WDFY4: variants seen among roughly 807,000 people sequenced by gnomAD.
The protein encoded by WDFY4 is WD repeat- and FYVE domain-containing protein 4.
Under a neutral mutation model 351.9 loss-of-function variants are expected in WDFY4, and 169 were observed. The ratio of observed to expected loss-of-function variants is 0.48; its 90% CI spans 0.42 to 0.55. The LOEUF (loss-of-function observed/expected upper bound fraction) is 0.55. WDFY4 is among the 20% of genes least tolerant of loss of function. WDFY4 has a pLI of 0.00. For synonymous variants in WDFY4, 1,622 were observed against 1,574.6 expected (o/e 1.03, Z -0.71); for missense variants, 3,803 against 3,935.6 (o/e 0.97, Z 0.90).
chr10:48,839,308 T>G (rs569557764), intron 39 of WDFY4, among the ~76,000 whole-genome samples: 4 of 152,346 alleles, frequency 2.6e-5, no homozygotes, highest in African/African-American at 9.6e-5. Flanking sequence ...TAAAGATCTT[T>G]AAAAGGTTGC....
intron 57 of WDFY4, among the ~76,000 whole-genome samples, chr10:48,970,773 A>T (rs144434185): frequency 1.3e-3 from 193 of 152,358 alleles, no homozygotes; most frequent in African/African-American, 4.4e-3. Context: ...GGTGAAGGAA[A>T]AATGAGATGC....
At chr10:48,812,414 T>G (rs2067485463) in intron 30 of WDFY4, among the ~76,000 whole-genome samples, 1 of 152,088 alleles carries the variant, frequency 6.6e-6, no homozygotes, top group Non-Finnish European at 1.5e-5. Context: ...GGTCTCAAAC[T>G]CCTGACCTCA....
In WDFY4 at chr10:48,760,377, T is replaced by A; in HGVS notation, c.2490T>A (p.His830Gln). 6.4e-7 allele frequency: 1 copy of A among 1,551,666 alleles called. No homozygotes were observed. Among genetic ancestry groups the A allele is most frequent in the South Asian group, 1.2e-5 (1 of 84,052 alleles). Reference sequence around the variant, plus strand: ...ATGAGGGAGATGCTGCAATCATGCATCCCGGGGTCGTGTGCATCATGGTGA... The same window carrying A: ...ATGAGGGAGATGCTGCAATCATGCAACCCGGGGTCGTGTGCATCATGGTGA... ...RMDEGDAAIM[H>Q]PGVVCIMVRL... The change falls in exon 13 of 62, where the codon CAT (histidine) becomes CAA (glutamine). Residue 830 changes from histidine (H) to glutamine (Q), a missense_variant. Around this residue, in one of 3 missense-constraint regions of WDFY4, gnomAD observed 3,054 missense variants for 3,148.6 expected, o/e 0.97. Coordinates refer to ENST00000325239, the MANE Select transcript of WDFY4 (RefSeq NM_001394531.1).
intron 20 of WDFY4, among the ~76,000 whole-genome samples, chr10:48,787,907 TTCTTCTTCTTCTTCTTCTTC>T (rs2066507535): frequency 5.3e-5 from 2 of 37,932 alleles, no homozygotes; most frequent in African/African-American, 2.8e-4. Context: ...CTTCTTCTTC[TTCTTCTTCTTCTTCTTCTTC>T]TTCTTCTTCT....
intron 40 of WDFY4, among the ~76,000 whole-genome samples, chr10:48,867,794 T>A (rs1456765590): frequency 6.6e-6 from 1 of 152,266 alleles, no homozygotes; most frequent in Non-Finnish European, 1.5e-5. Context: ...TTGGTGTTAC[T>A]GTTATTAATA....
chr10:48,790,662 C>G, intron 22 of WDFY4, 65 bp from the exon 23 acceptor site: 2 of 1,508,826 alleles, frequency 1.3e-6, no homozygotes, highest in Non-Finnish European at 1.8e-6. Context: ...CCTGTGCTGT[C>G]GGGGAATTTC....
chr10:48,714,181 A>C (rs2132232753), intron 2 of WDFY4, among the ~76,000 whole-genome samples: 1 of 152,368 alleles, frequency 6.6e-6, no homozygotes, highest in East Asian at 1.9e-4. Context: ...TCACCAGGGC[A>C]GTCTGCTGTA....
At chr10:48,717,774 A>G (rs1261418163) in intron 2 of WDFY4, among the ~76,000 whole-genome samples, 1 of 152,236 alleles carries the variant, frequency 6.6e-6, no homozygotes, top group Non-Finnish European at 1.5e-5. Flanking sequence ...CCTATTATAT[A>G]AATATACCAC....
chr10:48,734,779 C>CTT (rs779399565), intron 10 of WDFY4, among the ~76,000 whole-genome samples: 102 of 140,248 alleles, frequency 7.3e-4, no homozygotes, highest in African/African-American at 2.5e-3. Context: ...CAGGAATCTA[C>CTT]TTTTTTTTTT....
chr10:48,842,071 ACTT>A (rs1018985505), intron 39 of WDFY4, among the ~76,000 whole-genome samples: 32 of 151,934 alleles, frequency 2.1e-4, no homozygotes, highest in African/African-American at 7.2e-4. Context: ...AACTCCCTCA[ACTT>A]CTTCTTGGAT....
rs757698773 is a variant in WDFY4, at chr10:48,913,608, C to T, written c.7586+11745C>T. The T allele has an allele frequency of 3.7e-6, 6 of 1,613,998 alleles. 1 individual carries two copies. Among genetic ancestry groups the T allele is most frequent in the South Asian group, 3.3e-5 (3 of 91,082 alleles). ...GGAGTCTATGAATATTTCCGACTCA[C>T]CTGGCTTTGGAAAGGGGTTCCGCTT... On this transcript the variant is annotated intron_variant, in intron 47 of 61. Transcript: ENST00000325239.
chr10:48,913,324 A>T, intron 47 of WDFY4: 1 of 1,471,470 alleles, frequency 6.8e-7, no homozygotes, highest in Non-Finnish European at 9.2e-7. Context: ...TTTCCTGTGG[A>T]GGTAGCCCAC....
At chr10:48,713,304 G>T (rs531552394) in intron 2 of WDFY4, among the ~76,000 whole-genome samples, 4 of 152,284 alleles carry the variant, frequency 2.6e-5, no homozygotes, top group African/African-American at 9.6e-5. Flanking sequence ...TTGTGCATCA[G>T]ACTCCCTCAG....
intron 24 of WDFY4, among the ~76,000 whole-genome samples, chr10:48,796,931 T>C (rs545247543): frequency 1.3e-5 from 2 of 152,146 alleles, no homozygotes; most frequent in Non-Finnish European, 2.9e-5. Context: ...GATCAACCCA[T>C]TCATGAAGCA....
Position 48,777,443 on chromosome 10 carries a change from C to A in WDFY4, c.3123C>A (p.Ser1041=), listed in dbSNP as rs1246718635. ...GCTGTTTGTTTATTCCAACCCTGTCCACAGTTATGGGAACCAGCACTGAGT... is the reference window on the plus strand; with the variant it reads ...GCTGTTTGTTTATTCCAACCCTGTCAACAGTTATGGGAACCAGCACTGAGT... ...GYGCLFIPTL[S]TVMGTSTEYS... is the part of the protein sequence containing the mutation. The change falls in exon 17 of 62, where the codon TCC becomes TCA. Residue 1041 remains serine (S), a synonymous_variant. Coordinates refer to ENST00000325239, the MANE Select transcript of WDFY4 (RefSeq NM_001394531.1). The A allele has an allele frequency of 6.4e-7, 1 of 1,551,724 alleles. No homozygotes were observed. Among genetic ancestry groups the A allele is most frequent in the Admixed American group, 2.0e-5 (1 of 51,006 alleles).
At chr10:48,861,151 A>G (rs1358029056) in intron 39 of WDFY4, among the ~76,000 whole-genome samples, 69 of 152,144 alleles carry the variant, frequency 4.5e-4, no homozygotes, top group Non-Finnish European at 1.3e-4. Flanking sequence ...TATTTTCTCT[A>G]CACTCGTTTA....
chr10:48,955,441 A>C (rs571112487), intron 51 of WDFY4, among the ~76,000 whole-genome samples: 1 of 152,314 alleles, frequency 6.6e-6, no homozygotes, highest in Admixed American at 6.5e-5. Flanking sequence ...GGTGTGTGGT[A>C]GGTTCCCCCC....
chr10:48,906,684 C>T (rs1042536793), intron 47 of WDFY4, among the ~76,000 whole-genome samples: 1 of 152,226 alleles, frequency 6.6e-6, no homozygotes, highest in African/African-American at 2.4e-5. Context: ...CTGGAATGCA[C>T]TTGTGGATAA....
intron 44 of WDFY4, among the ~76,000 whole-genome samples, chr10:48,894,952 C>T (rs1307263205): frequency 6.6e-6 from 1 of 152,190 alleles, no homozygotes; most frequent in Non-Finnish European, 1.5e-5. Flanking sequence ...CAGCCAGCAG[C>T]CGGTTTGTAT....
Sources: gnomAD v4.1 joint callset for allele counts (sites outside exome capture counted in the v4.1 genomes callset) on GRCh38, gnomAD v4.1.1 for gene constraint, gnomAD v4.1.1 regional missense constraint, MANE v1.5 for transcripts, NCBI Gene and HGNC (gene_info 2026-07-23, HGNC 2026-07-21) for gene names.